TEAD1: variants seen among roughly 807,000 people sequenced by gnomAD.
TEAD1 encodes the protein TEA domain transcription factor 1.
A neutral mutation model predicts 54.9 loss-of-function variants in TEAD1; 9 were observed. The observed-to-expected ratio is 0.16, with a 90% confidence interval of 0.10 to 0.29. The LOEUF (loss-of-function observed/expected upper bound fraction) is 0.29, where lower values mean the gene tolerates loss of function less well. Among genes scored for constraint, TEAD1 ranks in the 10% least tolerant of loss-of-function variants. The pLI is 1.00. For missense variants in TEAD1, 387 were observed against 535.9 expected (o/e 0.72, Z 2.74); for synonymous variants, 200 against 187.8 (o/e 1.07, Z -0.53).
chr11:12,764,482 G>A (rs1277450488), intron 3 of TEAD1, 48 bp downstream of exon 3: 1 of 1,583,776 alleles, frequency 6.3e-7, no homozygotes, highest in African/African-American at 1.3e-5. Flanking sequence ...CTGCAGTTGT[G>A]GTAGGGGATA....
Position 12,937,830 on chromosome 11 carries a change from T to G in TEAD1, c.*608T>G, listed in dbSNP as rs1320924729. On this transcript the variant is annotated 3_prime_UTR_variant, in exon 13 of 13. Transcript: ENST00000527636. ...CTTTTTGAAACCAAATGTTAAACTA[T>G]AGCCTTAAGAAATGCTTGGTAGAAG... 6.5e-6 allele frequency: 1 copy of G among 152,840 alleles called. No individual in the cohort carries two copies. The highest frequency in any genetic ancestry group is 1.5e-5 in the Non-Finnish European group (1 of 68,246). The allele number at this position is 152,840 out of a possible 1,614,324, so 9.5% of individuals were successfully genotyped here. A position where few individuals can be genotyped will look rare whatever the true frequency, so the allele number is the denominator to read the frequency against.
At chr11:12,906,677 GTAGT>G (rs909497036) in intron 10 of TEAD1, among the ~76,000 whole-genome samples, 2 of 152,124 alleles carry the variant, frequency 1.3e-5, no homozygotes, top group Admixed American at 6.6e-5. Flanking sequence ...GTGCCCATTT[GTAGT>G]TAGTTCTTAT....
chr11:12,748,962 C>T (rs1207525976), intron 2 of TEAD1, among the ~76,000 whole-genome samples: 1 of 152,110 alleles, frequency 6.6e-6, no homozygotes, highest in Non-Finnish European at 1.5e-5. Context: ...TTGGGTTATG[C>T]TCCAGCCAGT....
At chr11:12,892,349 C>G (rs1360097795) in intron 9 of TEAD1, among the ~76,000 whole-genome samples, 1 of 152,032 alleles carries the variant, frequency 6.6e-6, no homozygotes, top group Non-Finnish European at 1.5e-5. Context: ...AGATAAAAAG[C>G]AAGGTTTCAG....
At chr11:12,732,115 A>T (rs1944436217) in intron 2 of TEAD1, among the ~76,000 whole-genome samples, 1 of 151,892 alleles carries the variant, frequency 6.6e-6, no homozygotes, top group African/African-American at 2.4e-5. Flanking sequence ...ATGACTTGAC[A>T]TCTATCCTTA....
intron 2 of TEAD1, among the ~76,000 whole-genome samples, chr11:12,758,228 G>GTTT (rs200063279): frequency 6.8e-6 from 1 of 146,944 alleles, no homozygotes; most frequent in African/African-American, 2.5e-5. Flanking sequence ...CTAAGTTTTT[G>GTTT]TTTTGTTTTT....
chr11:12,687,632 A>G (rs1051015236), intron 2 of TEAD1, among the ~76,000 whole-genome samples: 2 of 152,012 alleles, frequency 1.3e-5, no homozygotes, highest in African/African-American at 4.8e-5. Context: ...TAGGCTTCTC[A>G]TTTAGTGTAT....
chr11:12,803,102 A>ATT lies in TEAD1; in HGVS notation c.202+38679_202+38680dup, dbSNP rs144981643. On this transcript the variant is annotated intron_variant, in intron 3 of 12. Transcript: ENST00000527636. Reference sequence around the variant, plus strand: ...GCGCCTGCCTAACATTTTCACCTGTATTTTTTTTTTTTGTTTTGCCATAAA... The same window carrying ATT: ...GCGCCTGCCTAACATTTTCACCTGTATTTTTTTTTTTTTTGTTTTGCCATAAA... 5.6e-4 allele frequency among the ~76,000 whole-genome samples: 82 copies of ATT among 146,702 alleles called. 1 individual carries two copies. The highest frequency in any genetic ancestry group is 2.5e-3 in the Admixed American group (37 of 14,810).
At chr11:12,914,302 T>G (rs562658074) in intron 10 of TEAD1, among the ~76,000 whole-genome samples, 480 of 152,282 alleles carry the variant, frequency 3.2e-3, no homozygotes, top group African/African-American at 5.7e-3. Context: ...CTTGGTGGTG[T>G]TTTTAAAAAT....
At chr11:12,760,960 CTG>C (rs1945091153) in intron 2 of TEAD1, among the ~76,000 whole-genome samples, 1 of 152,184 alleles carries the variant, frequency 6.6e-6, no homozygotes, top group Non-Finnish European at 1.5e-5. Flanking sequence ...CTGTATAACT[CTG>C]TGGATTATGT....
In TEAD1 at chr11:12,937,421, G is replaced by A. The variant is rs949358935; in HGVS notation, c.*199G>A. ...ATGTGTTCATACTATCATTGTAGCTGTGAAGTTCTGGTACAGTTGTAAAAA... is the reference window on the plus strand; with the variant it reads ...ATGTGTTCATACTATCATTGTAGCTATGAAGTTCTGGTACAGTTGTAAAAA... On this transcript the variant is annotated 3_prime_UTR_variant, in exon 13 of 13. Coordinates refer to ENST00000527636, the MANE Select transcript of TEAD1 (RefSeq NM_021961.6). 2 of 486,158 alleles carry A rather than the reference G, an allele frequency of 4.1e-6. No homozygotes were observed. Among genetic ancestry groups the A allele is most frequent in the Non-Finnish European group, 7.5e-6 (2 of 267,240 alleles). 30.1% of individuals were successfully genotyped at this position (486,158 alleles called of 1,614,324 possible).
intron 3 of TEAD1, among the ~76,000 whole-genome samples, chr11:12,833,133 T>C (rs1047519984): frequency 6.6e-5 from 10 of 152,272 alleles, no homozygotes; most frequent in African/African-American, 2.4e-4. Context: ...TGGCATTAAT[T>C]GGTCCCTTGT....
At chr11:12,742,865 C>A (rs1564925105) in intron 2 of TEAD1, among the ~76,000 whole-genome samples, 1 of 152,200 alleles carries the variant, frequency 6.6e-6, no homozygotes, top group African/African-American at 2.4e-5. Context: ...AGTGATTTGG[C>A]AAAGAAGCCA....
chr11:12,774,627 C>A (rs1945382219), intron 3 of TEAD1, among the ~76,000 whole-genome samples: 1 of 152,176 alleles, frequency 6.6e-6, no homozygotes, highest in South Asian at 2.1e-4. Flanking sequence ...CATACAAGCT[C>A]TTTGAGCCTT....
At chr11:12,889,892 C>T (rs1372300384) in intron 9 of TEAD1, among the ~76,000 whole-genome samples, 1 of 151,868 alleles carries the variant, frequency 6.6e-6, no homozygotes, top group Non-Finnish European at 1.5e-5. Flanking sequence ...CAGCTGATTT[C>T]TGTATTTTTA....
chr11:12,743,947 T>G (rs1944696111), intron 2 of TEAD1, among the ~76,000 whole-genome samples: 1 of 152,184 alleles, frequency 6.6e-6, no homozygotes, highest in Admixed American at 6.5e-5. Flanking sequence ...CACGCTGTTA[T>G]GGAAGTATTT....
intron 3 of TEAD1, among the ~76,000 whole-genome samples, chr11:12,834,756 G>A (rs1368644658): frequency 1.6e-5 from 1 of 60,798 alleles, no homozygotes; most frequent in Non-Finnish European, 3.5e-5. Flanking sequence ...ACACCTCTGT[G>A]CCCACTCTTT....
chr11:12,878,173 A>G (rs757768472), intron 5 of TEAD1, among the ~76,000 whole-genome samples: 2 of 152,044 alleles, frequency 1.3e-5, no homozygotes, highest in Non-Finnish European at 2.9e-5. Flanking sequence ...GGAAATTCAC[A>G]TTGTCTTCCT....
At chr11:12,860,257 G>A (rs1396821607) in intron 3 of TEAD1, among the ~76,000 whole-genome samples, 1 of 152,164 alleles carries the variant, frequency 6.6e-6, no homozygotes, top group Non-Finnish European at 1.5e-5. Context: ...CAAAAGGAGG[G>A]TCTTCTTATT....
Sources: gnomAD v4.1 joint callset for allele counts (sites outside exome capture counted in the v4.1 genomes callset) on GRCh38, gnomAD v4.1.1 for gene constraint, MANE v1.5 for transcripts, NCBI Gene and HGNC (gene_info 2026-07-23, HGNC 2026-07-21) for gene names.